The following ZDHHC15 variants were observed in gnomAD, a reference collection of about 807,000 sequenced individuals.
ZDHHC15 encodes the protein palmitoyltransferase ZDHHC15.
A neutral mutation model predicts 31.7 loss-of-function variants in ZDHHC15; 19 were observed. That is an observed-to-expected ratio of 0.60 (90% CI 0.42 to 0.88). ZDHHC15 has a LOEUF of 0.88. ZDHHC15 is among the 40% of genes least tolerant of loss of function. The pLI is 0.00. For missense variants in ZDHHC15, 209 were observed against 251.2 expected, an observed-to-expected ratio of 0.83 and a Z score of 1.14; for synonymous variants, 103 against 90.0, an observed-to-expected ratio of 1.14 and a Z score of -0.82.
At chrX:75,388,825 A>G (rs1602550145) in intron 10 of ZDHHC15, among the ~76,000 whole-genome samples, 1 of 112,154 alleles carries the variant, frequency 8.9e-6, no homozygotes, top group African/African-American at 3.2e-5. Flanking sequence ...GCCTCCACCA[A>G]TCATCCTCCC....
intron 8 of ZDHHC15, 70 bp downstream of exon 8, chrX:75,424,582 T>C (rs1162561772): frequency 9.5e-7 from 1 of 1,052,729 alleles, no homozygotes; most frequent in Non-Finnish European, 1.2e-6. Context: ...AAGTTTTAAT[T>C]GGGAACAATT....
chrX:75,455,001 A>C (rs1177203596), intron 3 of ZDHHC15, among the ~76,000 whole-genome samples: 1 of 110,842 alleles, frequency 9.0e-6, no homozygotes, highest in African/African-American at 3.3e-5. Context: ...TTTCTTCACA[A>C]AATTGGAAAA....
intron 4 of ZDHHC15, among the ~76,000 whole-genome samples, chrX:75,442,659 C>A (rs1210071956): frequency 8.9e-6 from 1 of 111,821 alleles, no homozygotes; most frequent in Non-Finnish European, 1.9e-5. Context: ...AGGATACAAA[C>A]AAATGAAGAA....
At chrX:75,500,253 C>T (rs1046056524) in intron 2 of ZDHHC15, among the ~76,000 whole-genome samples, 5 of 107,358 alleles carry the variant, frequency 4.7e-5, no homozygotes, top group Non-Finnish European at 9.6e-5. Context: ...CCACCTGCTC[C>T]CCCAAAACTA....
Position 75,379,186 on chromosome X carries a change from C to T in ZDHHC15, c.980G>A (p.Gly327Asp). The change falls in exon 11 of 12, where the codon GGC becomes GAC. Residue 327 changes from glycine to aspartate, a missense_variant. Coordinates refer to ENST00000373367, the MANE Select transcript of ZDHHC15 (RefSeq NM_144969.3). ...NEDDNQDYPE[G>D]SSSLAVETET ...CGTTTCCACAGCAAGAGATGATGAGCCTTCTGGATAATCTGCAAGGTTGAA... is the reference window on the plus strand; with the variant it reads ...CGTTTCCACAGCAAGAGATGATGAGTCTTCTGGATAATCTGCAAGGTTGAA... 2 of 1,210,947 alleles carry T rather than the reference C, an allele frequency of 1.7e-6. No individual in the cohort carries two copies. Among genetic ancestry groups the T allele is most frequent in the Non-Finnish European group, 2.2e-6 (2 of 895,119 alleles).
At position 75,388,831 on chromosome X, in the gene ZDHHC15, C is replaced by T. The variant is rs973115133; in HGVS notation, c.968-9633G>A. Among the ~76,000 whole-genome samples, 6 of 111,959 alleles carry T rather than the reference C, an allele frequency of 5.4e-5. No individual in the cohort carries two copies. In the East Asian group the frequency reaches 8.4e-4, roughly 16 times the overall value. On this transcript the variant is annotated intron_variant, in intron 10 of 11. Coordinates refer to ENST00000373367, the MANE Select transcript of ZDHHC15 (RefSeq NM_144969.3). Reference sequence around the variant, plus strand: ...TGAATAGATGCCTCCACCAATCATCCTCCCCACAGCAACACCAAATTGAGC... The same window carrying T: ...TGAATAGATGCCTCCACCAATCATCTTCCCCACAGCAACACCAAATTGAGC...
intron 3 of ZDHHC15, among the ~76,000 whole-genome samples, chrX:75,476,129 A>G (rs922658231): frequency 1.8e-5 from 2 of 111,388 alleles, no homozygotes; most frequent in Non-Finnish European, 3.8e-5. Flanking sequence ...TGGAATATTT[A>G]CGGTTTTCTA....
chrX:75,454,334 T>C (rs1471234020), intron 3 of ZDHHC15, among the ~76,000 whole-genome samples: 1 of 112,040 alleles, frequency 8.9e-6, no homozygotes, highest in African/African-American at 3.2e-5. Context: ...AGTCTATCAA[T>C]GATGGACATT....
At chrX:75,390,314 A>G (rs1252454252) in intron 10 of ZDHHC15, among the ~76,000 whole-genome samples, 1 of 111,605 alleles carries the variant, frequency 9.0e-6, no homozygotes, top group African/African-American at 3.3e-5. Flanking sequence ...AAGAACAGAA[A>G]CCTGGCTGGC....
chrX:75,444,319 G>T (rs1193473553), intron 4 of ZDHHC15, among the ~76,000 whole-genome samples: 1 of 108,260 alleles, frequency 9.2e-6, no homozygotes, highest in Non-Finnish European at 1.9e-5. Flanking sequence ...TCCTTTGTAG[G>T]GACATGGATG....
chrX:75,388,670 G>A (rs1226156061), intron 10 of ZDHHC15, among the ~76,000 whole-genome samples: 1 of 111,860 alleles, frequency 8.9e-6, no homozygotes, highest in Non-Finnish European at 1.9e-5. Flanking sequence ...GAAGGGAAGA[G>A]AGGAGCTGCA....
intron 2 of ZDHHC15, among the ~76,000 whole-genome samples, chrX:75,505,483 A>T (rs2085144464): frequency 9.0e-6 from 1 of 110,539 alleles, no homozygotes; most frequent in Non-Finnish European, 1.9e-5. Flanking sequence ...TCCATGCCTT[A>T]AAGAGGAGAT....
intron 2 of ZDHHC15, chrX:75,501,397 T>C (rs772317287): frequency 3.6e-5 from 4 of 112,005 alleles, no homozygotes; most frequent in Non-Finnish European, 3.8e-5. Flanking sequence ...CTATTGTGAA[T>C]AGTGCTGCAA....
intron 10 of ZDHHC15, among the ~76,000 whole-genome samples, chrX:75,404,057 C>T (rs1256585980): frequency 1.8e-5 from 2 of 111,196 alleles, no homozygotes; most frequent in African/African-American, 3.3e-5. Flanking sequence ...CAATAGAGAG[C>T]CCAGAAATAA....
intron 2 of ZDHHC15, among the ~76,000 whole-genome samples, chrX:75,495,872 C>G (rs760623881): frequency 2.8e-5 from 3 of 105,963 alleles, no homozygotes; most frequent in South Asian, 4.4e-4. Flanking sequence ...CATGGCACAT[C>G]TATACATATG....
intron 10 of ZDHHC15, among the ~76,000 whole-genome samples, chrX:75,409,818 A>C (rs1445264585): frequency 2.5e-4 from 20 of 79,301 alleles, no homozygotes; most frequent in South Asian, 8.6e-4. Flanking sequence ...AAAAAAAAAA[A>C]AACAACAACA....
At chrX:75,479,095 T>G (rs1221158872) in intron 2 of ZDHHC15, 110 bp from the exon 3 acceptor site, 2 of 475,639 alleles carry the variant, frequency 4.2e-6, no homozygotes, top group African/African-American at 2.5e-5. Flanking sequence ...TAACATGTAT[T>G]CTCTGGTATT....
At chrX:75,379,043 T>C (rs1362672071) in intron 11 of ZDHHC15, 77 bp downstream of exon 11, 50 of 781,370 alleles carry the variant, frequency 6.4e-5, no homozygotes, top group Non-Finnish European at 7.0e-5. Flanking sequence ...AGAACTTATT[T>C]CTTTTCTAGT....
At position 75,414,292 on chromosome X, in the gene ZDHHC15, AT is replaced by A. The variant is rs1266254878; in HGVS notation, c.967+2794del. 3.6e-4 allele frequency among the ~76,000 whole-genome samples: 40 copies of A among 111,516 alleles called. 1 individual carries two copies. The highest frequency in any genetic ancestry group is 1.2e-3 in the African/African-American group (38 of 30,718). On this transcript the variant is annotated intron_variant, in intron 10 of 11. Transcript: ENST00000373367. ...AAGCCTATTTAAATCCCTTGATTTC[AT>A]AAAGGTGTTTCTTTACCTTATAATT...
Sources: allele counts gnomAD v4.1 joint callset (sites outside exome capture counted in the v4.1 genomes callset), GRCh38; gene constraint gnomAD v4.1.1; transcripts MANE v1.5; gene names NCBI Gene and HGNC (gene_info 2026-07-23, HGNC 2026-07-21).